The following NOP14 variants were observed in gnomAD, a reference collection of about 807,000 sequenced individuals.
NOP14 encodes the protein NOP14 nucleolar protein, also known as nucleolar protein 14.
In NOP14, 57 loss-of-function variants were observed where a neutral mutation model predicts 101.6. The observed-to-expected ratio is 0.56, with a 90% confidence interval of 0.45 to 0.70. NOP14 has a LOEUF of 0.70. Among genes scored for constraint, NOP14 ranks in the 30% least tolerant of loss-of-function variants. The pLI is 0.00. For missense variants in NOP14, 1,134 were observed against 1,075.5 expected (o/e 1.05, Z -0.76); for synonymous variants, 428 against 424.0 (o/e 1.01, Z -0.12).
At chr4:2,953,132 A>G (rs1715138007) in intron 5 of NOP14, among the ~76,000 whole-genome samples, 1 of 152,248 alleles carries the variant, frequency 6.6e-6, no homozygotes, top group African/African-American at 2.4e-5. Flanking sequence ...AGTTTCGACT[A>G]AAGAGAATGC....
chr4:2,952,266 C>T lies in NOP14; in HGVS notation c.870+9G>A, dbSNP rs748602038. The T allele has an allele frequency of 4.3e-6, 7 of 1,612,796 alleles. No individual in the cohort carries two copies. The highest frequency in any genetic ancestry group is 5.9e-6 in the Non-Finnish European group (7 of 1,179,692). On this transcript the variant is annotated intron_variant, in intron 6 of 17. Coordinates refer to ENST00000416614, the MANE Select transcript of NOP14 (RefSeq NM_001291978.2). ...GCACAGCCCTGCTCCTGAGGTGCTG[C>T]CACCCTACCTCCAGCTTCCTGAGGT...
Position 2,938,177 on chromosome 4 carries a change from G to A in NOP14, c.*654C>T, listed in dbSNP as rs147169228. 8.0e-3 allele frequency: 10,225 copies of A among 1,285,296 alleles called. 44 individuals are homozygous for A. Among genetic ancestry groups the A allele is most frequent in the Non-Finnish European group, 9.6e-3 (9,493 of 987,138 alleles). The allele number at this position is 1,285,296 out of a possible 1,614,324, so 79.6% of individuals were successfully genotyped here. A position where few individuals can be genotyped will look rare whatever the true frequency, so the allele number is the denominator to read the frequency against. ...TAACAGAAACAAAACCGCAGGCAGC[G>A]GGTGGGGGGAGCTGGAGGTTGGAAT... is the stretch of plus-strand genomic sequence containing the variant. On this transcript the variant is annotated 3_prime_UTR_variant, in exon 18 of 18. Coordinates refer to ENST00000416614, the MANE Select transcript of NOP14 (RefSeq NM_001291978.2).
intron 1 of NOP14, among the ~76,000 whole-genome samples, chr4:2,961,133 A>G (rs1455272085): frequency 2.4e-4 from 17 of 71,426 alleles, no homozygotes; most frequent in East Asian, 3.5e-4. Context: ...TTATAATAAT[A>G]TATTAATATA....
chr4:2,957,063 G>A (rs1021241073), intron 2 of NOP14, among the ~76,000 whole-genome samples: 1 of 152,080 alleles, frequency 6.6e-6, no homozygotes, highest in Admixed American at 6.5e-5. Flanking sequence ...GTGCGGTAGA[G>A]TGATCTGGGC....
chr4:2,945,585 G>A (rs1714562672), intron 11 of NOP14, among the ~76,000 whole-genome samples: 1 of 152,212 alleles, frequency 6.6e-6, no homozygotes, highest in South Asian at 2.1e-4. Flanking sequence ...CCAGGCAACA[G>A]AATAAAGAGC....
At position 2,938,888 on chromosome 4, in the gene NOP14, G is replaced by C. The variant is rs779307234; in HGVS notation, c.2517C>G (p.Ser839Arg). ...TCCATTCGCCTTCCTGTGTAGCCAG[G>C]CTGTTAAAAAGCTGCTTTACTTTCC... is the stretch of plus-strand genomic sequence containing the variant. ...RKRKVKQLFN[S>R]LATQEGEWKA... The change falls in exon 18 of 18, where the codon AGC becomes AGG. Residue 839 changes from serine to arginine, a missense_variant. Physicochemically the swap from Ser to Arg is moderately radical, Grantham distance 110. Coordinates refer to ENST00000416614, the MANE Select transcript of NOP14 (RefSeq NM_001291978.2). The C allele has an allele frequency of 6.2e-7, 1 of 1,614,100 alleles. No homozygotes were observed. The highest frequency in any genetic ancestry group is 1.1e-5 in the South Asian group (1 of 91,074).
At chr4:2,939,087 CA>C in intron 17 of NOP14, 100 bp downstream of exon 17, 1 of 1,555,712 alleles carries the variant, frequency 6.4e-7, no homozygotes, top group Non-Finnish European at 8.8e-7. Flanking sequence ...CAGCCAGAGC[CA>C]AGGCTGTGGG....
chr4:2,955,483 G>A (rs1476170072), intron 3 of NOP14, among the ~76,000 whole-genome samples: 6 of 120,660 alleles, frequency 5.0e-5, no homozygotes, highest in Non-Finnish European at 8.4e-5. Flanking sequence ...TGCACGCCAC[G>A]GCGCCCCCTC....
intron 1 of NOP14, among the ~76,000 whole-genome samples, chr4:2,960,353 C>A (rs917186201): frequency 3.9e-5 from 6 of 151,938 alleles, no homozygotes; most frequent in Non-Finnish European, 8.8e-5. Context: ...GTAGATGGGG[C>A]AGGCATCAGC....
chr4:2,949,927 T>C lies in NOP14; in HGVS notation c.1282+7A>G, dbSNP rs766082301. ...CAGAACCTGAGGAAACCCGCGCACT[T>C]GCCCACCTGCGAACGTGTAGGGCAG... On this transcript the variant is annotated splice_region_variant and intron_variant, in intron 8 of 17. Coordinates refer to ENST00000416614, the MANE Select transcript of NOP14 (RefSeq NM_001291978.2). 5.0e-6 allele frequency: 8 copies of C among 1,613,976 alleles called. No individual in the cohort carries two copies. In the Admixed American group the frequency reaches 1.3e-4, roughly 27 times the overall value.
intron 1 of NOP14, chr4:2,961,527 CCTCCTGCGCCGGCCTCACGG>C (rs1454732952): frequency 6.6e-6 from 1 of 152,254 alleles, no homozygotes; most frequent in Admixed American, 6.5e-5. Flanking sequence ...AAGACCCAGG[CCTCCTGCGCCGGCCTCACGG>C]CCCCTACACG....
At position 2,956,770 on chromosome 4, in the gene NOP14, A is replaced by C; in HGVS notation, c.372T>G (p.Asp124Glu). ...ACTGGCCATAATGAGTCAATTCTTC[A>C]TCTTCATTTAGATTGTAGATGCTTT... ...EKKSIYNLNE[D>E]EELTHYGQSL... The change falls in exon 3 of 18, where the codon GAT becomes GAG. Residue 124 changes from aspartate to glutamate, a missense_variant. Physicochemically the swap from Asp to Glu is conservative, Grantham distance 45 (BLOSUM62 2). Transcript: ENST00000416614. 1 of 1,612,436 alleles carries C rather than the reference A, an allele frequency of 6.2e-7. No homozygotes were observed.
In NOP14 at chr4:2,942,243, C is replaced by G. The variant is rs773891316; in HGVS notation, c.2000G>C (p.Arg667Pro). 3 of 1,614,026 alleles carry G rather than the reference C, an allele frequency of 1.9e-6. No individual in the cohort carries two copies. Among genetic ancestry groups the G allele is most frequent in the Admixed American group, 1.7e-5 (1 of 60,006 alleles). ...ATWQQSSLSL[R>P]WASRLRAPTS... The stretch of plus-strand genomic sequence containing the variant: ...TGGGGCCCTCAGTCTACTCGCCCAG[C>G]GGAGGGAGAGGCTGCTCTGCTGCCA... Residue 667 changes from arginine to proline, a missense_variant, in exon 14 of 18, where the codon CGC (arginine) becomes CCC (proline). Arg to Pro is a moderately radical substitution (Grantham distance 103, BLOSUM62 -2). Coordinates refer to ENST00000416614, the MANE Select transcript of NOP14 (RefSeq NM_001291978.2).
rs1392084146 is a variant in NOP14 at position 2,963,109 on chromosome 4, T to TGCGCCCCCCGC, written c.195+5_195+15dup. 6 of 1,525,390 alleles carry TGCGCCCCCCGC rather than the reference T, an allele frequency of 3.9e-6. 1 individual carries two copies. In the African/African-American group the frequency reaches 7.3e-5, roughly 18 times the overall value. The allele number at this position is 1,525,390 out of a possible 1,614,324, so 94.5% of individuals were successfully genotyped here. A position where few individuals can be genotyped will look rare whatever the true frequency, so the allele number is the denominator to read the frequency against. ...CCAGATCCTGCCTTCCGGCTCCCCG[T>TGCGCCCCCCGC]GCGCCCCCCGCTTACCTTCCTGAGG... On this transcript the variant is annotated intron_variant, in intron 1 of 17. Transcript: ENST00000416614.
intron 9 of NOP14, 197 bp from the exon 10 acceptor site, chr4:2,947,808 G>A: frequency 1.7e-6 from 1 of 605,316 alleles, no homozygotes; most frequent in South Asian, 2.0e-5. Flanking sequence ...AAGGTGTAGG[G>A]GGGAGAAAGC....
rs747917083 is a variant in NOP14, at chr4:2,946,498, T to C, written c.1549A>G (p.Ile517Val). The change falls in exon 11 of 18, where the codon ATC (isoleucine) becomes GTC (valine). Residue 517 changes from isoleucine to valine, a missense_variant. By Grantham distance (29) the Ile-to-Val change is conservative. Transcript: ENST00000416614. ...ATCGCATCTCGGAGAACAAATTTGA[T>C]AGCGTCACTTGCAGATTCAGGAAAC... ...QMFPESASDA[I>V]KFVLRDAMHE... is the part of the protein sequence containing the mutation. The C allele has an allele frequency of 7.4e-6, 12 of 1,614,028 alleles. No homozygotes were observed. Among genetic ancestry groups the C allele is most frequent in the Non-Finnish European group, 1.0e-5 (12 of 1,179,976 alleles).
At chr4:2,942,046 G>A (rs1162705183) in intron 14 of NOP14, 146 bp downstream of exon 14, 1 of 742,766 alleles carries the variant, frequency 1.3e-6, no homozygotes, top group East Asian at 2.6e-5. Flanking sequence ...AAGCCAACAT[G>A]CCTCAGAAAG....
Position 2,954,389 on chromosome 4 carries a change from G to A in NOP14, c.612+35C>T, listed in dbSNP as rs562410803. Reference sequence around the variant, plus strand: ...CACATTTTGGTGAGCCTGTCTTACCGTGGAGAAGATGATCAAGAACACTCA... The same window carrying A: ...CACATTTTGGTGAGCCTGTCTTACCATGGAGAAGATGATCAAGAACACTCA... On this transcript the variant is annotated intron_variant, in intron 4 of 17. Coordinates refer to ENST00000416614, the MANE Select transcript of NOP14 (RefSeq NM_001291978.2). 1.3e-4 allele frequency: 216 copies of A among 1,608,130 alleles called. 1 individual carries two copies. The South Asian group carries it at 2.1e-3, about 15-fold the overall frequency.
chr4:2,953,902 T>C (rs1365372893), intron 4 of NOP14, among the ~76,000 whole-genome samples: 3 of 152,192 alleles, frequency 2.0e-5, no homozygotes, highest in African/African-American at 7.2e-5. Context: ...AAAAGTGATT[T>C]TTTGGGCACA....
Sources: gnomAD v4.1 joint callset for allele counts (sites outside exome capture counted in the v4.1 genomes callset) on GRCh38, gnomAD v4.1.1 for gene constraint, MANE v1.5 for transcripts, NCBI Gene and HGNC (gene_info 2026-07-23, HGNC 2026-07-21) for gene names.